The following TCF12 variants were observed in gnomAD, a reference collection of about 807,000 sequenced individuals.
TCF12 encodes DNA-binding protein HTF4.
TCF12 carries 45 observed loss-of-function variants against 86.0 expected under a neutral mutation model. That is an observed-to-expected ratio of 0.52 (90% CI 0.41 to 0.67). The LOEUF (loss-of-function observed/expected upper bound fraction) is 0.67. Among genes scored for constraint, TCF12 ranks in the 30% least tolerant of loss-of-function variants. The pLI, the probability that TCF12 is intolerant of heterozygous loss-of-function variation, is 0.00. For missense variants in TCF12, 881 were observed against 859.9 expected, an observed-to-expected ratio of 1.02 and a Z score of -0.31; for synonymous variants, 330 against 299.6, an observed-to-expected ratio of 1.10 and a Z score of -1.05.
At chr15:57,057,575 C>T (rs1019539260) in intron 3 of TCF12, among the ~76,000 whole-genome samples, 1 of 152,130 alleles carries the variant, frequency 6.6e-6, no homozygotes, top group Non-Finnish European at 1.5e-5. Flanking sequence ...TTTCCGCCAG[C>T]CCTAGGATTT....
intron 5 of TCF12, among the ~76,000 whole-genome samples, chr15:57,161,282 G>A (rs775345672): frequency 3.3e-5 from 5 of 152,152 alleles, no homozygotes; most frequent in Admixed American, 2.0e-4. Flanking sequence ...TTTTTTTTAA[G>A]TCTGAGAATA....
intron 4 of TCF12, among the ~76,000 whole-genome samples, chr15:57,075,804 T>TTCTTTCTCTCTCTCTCTCTCTC (rs1461514777): frequency 1.9e-3 from 53 of 28,554 alleles, no homozygotes; most frequent in Non-Finnish European, 2.6e-3. Flanking sequence ...CTTTCTTTCT[T>TTCTTTCTCTCTCTCTCTCTCTC]TCTCTCTCTC....
chr15:57,169,108 T>C (rs1351765800), intron 6 of TCF12, among the ~76,000 whole-genome samples: 1 of 152,158 alleles, frequency 6.6e-6, no homozygotes, highest in East Asian at 1.9e-4. Flanking sequence ...GAATGATTGA[T>C]AAAAGTAACT....
rs200273271 is a variant in TCF12 at position 57,252,475 on chromosome 15, T to C, written c.1243T>C (p.Leu415=). The C allele has an allele frequency of 4.3e-6, 7 of 1,613,956 alleles. No individual in the cohort carries two copies. Among genetic ancestry groups the C allele is most frequent in the Non-Finnish European group, 5.1e-6 (6 of 1,179,898 alleles). Residue 415 remains leucine, a synonymous_variant, in exon 15 of 21, where the codon TTA becomes CTA. Transcript: ENST00000333725. ...GCATTTGCAAGATGCAATGTCCTTC[T>C]TAAAGGATGTCTGTGAGGTACTATT... is the stretch of plus-strand genomic sequence containing the variant. ...HEHLQDAMSF[L]KDVCEQSRME...
At chr15:57,014,719 A>G (rs1320668516) in intron 3 of TCF12, among the ~76,000 whole-genome samples, 1 of 152,108 alleles carries the variant, frequency 6.6e-6, no homozygotes, top group South Asian at 2.1e-4. Context: ...TTCTGGCTCA[A>G]CAACTCAGAT....
At chr15:57,009,934 A>G (rs1249488609) in intron 3 of TCF12, among the ~76,000 whole-genome samples, 1 of 152,196 alleles carries the variant, frequency 6.6e-6, no homozygotes, top group African/African-American at 2.4e-5. Context: ...ATTTGGATTT[A>G]TATATTTGAG....
At chr15:57,007,820 TTTTC>T (rs879698759) in intron 3 of TCF12, among the ~76,000 whole-genome samples, 2,244 of 122,904 alleles carry the variant, frequency 0.018, 39 homozygotes, top group Non-Finnish European at 0.024. Flanking sequence ...CTTTCTTTCT[TTTTC>T]TTTCTTTCTT....
At chr15:57,197,301 C>T (rs551137410) in intron 7 of TCF12, among the ~76,000 whole-genome samples, 3 of 151,714 alleles carry the variant, frequency 2.0e-5, no homozygotes, top group African/African-American at 4.8e-5. Context: ...GGATTACAGG[C>T]GCCCGCCACC....
chr15:57,274,227 CA>C (rs2061276563), intron 19 of TCF12, among the ~76,000 whole-genome samples: 2 of 67,300 alleles, frequency 3.0e-5, no homozygotes, highest in Non-Finnish European at 6.8e-5. Context: ...GGAGCCTCAG[CA>C]TTAGATTACA....
intron 16 of TCF12, among the ~76,000 whole-genome samples, chr15:57,255,977 A>C (rs1461185662): frequency 6.6e-6 from 1 of 152,168 alleles, no homozygotes; most frequent in East Asian, 1.9e-4. Context: ...AGAGCTGTGG[A>C]AAATCTGCCA....
At chr15:57,272,853 G>A (rs1418581895) in intron 18 of TCF12, among the ~76,000 whole-genome samples, 177 bp from the exon 19 acceptor site, 5 of 152,190 alleles carry the variant, frequency 3.3e-5, no homozygotes, top group African/African-American at 1.2e-4. Flanking sequence ...GACTGTATAT[G>A]TGCATTGAAG....
chr15:57,003,176 G>A (rs2064149318), intron 3 of TCF12, among the ~76,000 whole-genome samples: 1 of 152,152 alleles, frequency 6.6e-6, no homozygotes, highest in Non-Finnish European at 1.5e-5. Flanking sequence ...AGGGTAATGG[G>A]TAACTTCAGT....
chr15:57,280,671 G>A (rs2061645535), intron 19 of TCF12, among the ~76,000 whole-genome samples: 1 of 152,116 alleles, frequency 6.6e-6, no homozygotes, highest in Non-Finnish European at 1.5e-5. Flanking sequence ...GGAGTTCAAG[G>A]CAAGTCTGGG....
intron 15 of TCF12, among the ~76,000 whole-genome samples, chr15:57,253,000 A>G (rs1245803180): frequency 6.7e-6 from 1 of 149,384 alleles, no homozygotes; most frequent in African/African-American, 2.5e-5. Context: ...TGTAGAAGCT[A>G]AAAGAAATAA....
At chr15:57,245,293 G>A (rs79317492) in intron 13 of TCF12, among the ~76,000 whole-genome samples, 1 of 152,190 alleles carries the variant, frequency 6.6e-6, no homozygotes, top group Non-Finnish European at 1.5e-5. Flanking sequence ...AGACACCAGG[G>A]CTTCAGCTGT....
chr15:57,137,306 T>C (rs1266368032), intron 5 of TCF12, among the ~76,000 whole-genome samples: 1 of 152,194 alleles, frequency 6.6e-6, no homozygotes, highest in Non-Finnish European at 1.5e-5. Flanking sequence ...TAATGTGATA[T>C]CCAGCATTGC....
chr15:57,074,636 T>G (rs372474946), intron 4 of TCF12, among the ~76,000 whole-genome samples: 11 of 152,264 alleles, frequency 7.2e-5, no homozygotes, highest in South Asian at 6.2e-4. Flanking sequence ...GCCTCCTGAT[T>G]AGTTGGGATT....
intron 5 of TCF12, among the ~76,000 whole-genome samples, chr15:57,145,178 T>C (rs535264996): frequency 6.6e-6 from 1 of 152,326 alleles, no homozygotes; most frequent in Non-Finnish European, 1.5e-5. Flanking sequence ...TCTAAAGTTA[T>C]TCTGCAGGGT....
chr15:57,041,179 G>A (rs577608480), intron 3 of TCF12, among the ~76,000 whole-genome samples: 11 of 152,308 alleles, frequency 7.2e-5, no homozygotes, highest in African/African-American at 2.6e-4. Context: ...TTGGAAGACA[G>A]ACAGAAAAGT....
Sources: allele counts gnomAD v4.1 joint callset (sites outside exome capture counted in the v4.1 genomes callset), GRCh38; gene constraint gnomAD v4.1.1; transcripts MANE v1.5; gene names NCBI Gene and HGNC (gene_info 2026-07-23, HGNC 2026-07-21).